NUP98: variants seen among roughly 807,000 people sequenced by gnomAD.
The protein encoded by NUP98 is nucleoporin 98 and 96 precursor.
A neutral mutation model predicts 191.9 loss-of-function variants in NUP98; 26 were observed. The ratio of observed to expected loss-of-function variants is 0.14; its 90% CI spans 0.10 to 0.19. The LOEUF is 0.19. Ranked by LOEUF, NUP98 falls within the 10% of genes least tolerant of loss-of-function variation. The probability of loss-of-function intolerance (pLI) is 1.00; values close to 1 mark genes in which losing one functional copy is unlikely to be tolerated. For missense variants in NUP98, 1,941 were observed against 2,178.8 expected, an observed-to-expected ratio of 0.89 and a Z score of 2.17; for synonymous variants, 808 against 778.4, an observed-to-expected ratio of 1.04 and a Z score of -0.63.
intron 18 of NUP98, among the ~76,000 whole-genome samples, chr11:3,718,150 T>C (rs529193434): frequency 2.6e-5 from 4 of 152,210 alleles, no homozygotes; most frequent in Non-Finnish European, 4.4e-5. Flanking sequence ...ACTGGTGTTA[T>C]TTCTTTAAAC....
At position 3,763,012 on chromosome 11, in the gene NUP98, G is replaced by C; in HGVS notation, c.976C>G (p.Gln326Glu). The change falls in exon 9 of 33, where the codon CAG becomes GAG. Residue 326 changes from glutamine to glutamate, a missense_variant. By Grantham distance (29) the Gln-to-Glu change is conservative. This residue lies in a region of NUP98 where 181 missense variants were observed against 228.0 expected (regional missense o/e 0.79). Coordinates refer to ENST00000324932, the MANE Select transcript of NUP98 (RefSeq NM_016320.5). ...GCTGTCCCAAAAAGACCTCCAGGCT[G>C]TGAGGCTTGGGTTACTCCAAATAAT... ...MGLFGVTQAS[Q>E]PGGLFGTATN... 2 of 1,614,068 alleles carry C rather than the reference G, an allele frequency of 1.2e-6. No individual in the cohort carries two copies. Among genetic ancestry groups the C allele is most frequent in the Non-Finnish European group, 1.7e-6 (2 of 1,179,978 alleles).
intron 31 of NUP98, among the ~76,000 whole-genome samples, chr11:3,678,453 G>A (rs2077885732): frequency 6.6e-6 from 1 of 152,168 alleles, no homozygotes; most frequent in Non-Finnish European, 1.5e-5. Context: ...ATATGAATAA[G>A]TAACTACAAT....
rs960347067 is a variant in NUP98, at chr11:3,783,258, C to A, written c.-28-1113G>T. On this transcript the variant is annotated intron_variant, in intron 1 of 32. Coordinates refer to ENST00000324932, the MANE Select transcript of NUP98 (RefSeq NM_016320.5). ...TCAAAGTTGGACTGGTGTGGTGACA[C>A]GGGACTGTAGTCCCAGCTACTCTGT... Among the ~76,000 whole-genome samples, 5 of 151,548 alleles carry A rather than the reference C, an allele frequency of 3.3e-5. No homozygotes were observed. In the East Asian group the frequency reaches 9.7e-4, roughly 30 times the overall value.
intron 2 of NUP98, among the ~76,000 whole-genome samples, chr11:3,780,379 A>T (rs960852159): frequency 6.7e-6 from 1 of 150,316 alleles, no homozygotes; most frequent in Non-Finnish European, 1.5e-5. Context: ...AAATAAAAAA[A>T]AAAAAAAAAA....
chr11:3,689,060 C>T (rs1454744169), intron 28 of NUP98, among the ~76,000 whole-genome samples: 1 of 151,734 alleles, frequency 6.6e-6, no homozygotes, highest in Non-Finnish European at 1.5e-5. Context: ...GTGGCAAAAT[C>T]TTGTCTACAA....
intron 1 of NUP98, among the ~76,000 whole-genome samples, chr11:3,785,872 T>G (rs910641525): frequency 2.6e-5 from 4 of 151,796 alleles, no homozygotes; most frequent in Admixed American, 6.6e-5. Flanking sequence ...AAAAAAGTAA[T>G]CCTAGAGACA....
At chr11:3,765,122 A>G (rs775278866) in intron 8 of NUP98, among the ~76,000 whole-genome samples, 4 of 152,184 alleles carry the variant, frequency 2.6e-5, no homozygotes, top group Non-Finnish European at 5.9e-5. Context: ...TATGATTTTC[A>G]AGTATTTTCT....
chr11:3,791,785 T>C (rs1192036984), intron 1 of NUP98, among the ~76,000 whole-genome samples: 1 of 145,216 alleles, frequency 6.9e-6, no homozygotes. Context: ...GAGGTTACAG[T>C]GAGCCGAGAT....
chr11:3,744,608 G>A lies in NUP98; in HGVS notation c.1309C>T (p.Pro437Ser), dbSNP rs758905480. 1 of 1,613,478 alleles carries A rather than the reference G, an allele frequency of 6.2e-7. No homozygotes were observed. The change falls in exon 12 of 33, where the codon CCT becomes TCT. Residue 437 changes from proline (P) to serine (S), a missense_variant. Physicochemically the swap from Pro to Ser is moderately conservative, Grantham distance 74. This residue lies in a region of NUP98 where 453 missense variants were observed against 438.2 expected (regional missense o/e 1.03). Coordinates refer to ENST00000324932, the MANE Select transcript of NUP98 (RefSeq NM_016320.5). ...GQASLFGNNQ[P>S]KIGGPLGTGA... Reference sequence around the variant, plus strand: ...GTACCAAGAGGCCCTCCAATCTTAGGTTGGTTGTTCCCAAACAAAGATGCC... The same window carrying A: ...GTACCAAGAGGCCCTCCAATCTTAGATTGGTTGTTCCCAAACAAAGATGCC...
At chr11:3,719,021 G>T (rs112292772) in intron 18 of NUP98, among the ~76,000 whole-genome samples, 1 of 151,918 alleles carries the variant, frequency 6.6e-6, no homozygotes, top group African/African-American at 2.4e-5. Flanking sequence ...TTGGGAGGCT[G>T]AGGCAGGAGA....
Position 3,778,946 on chromosome 11 carries a change from A to C in NUP98, c.282T>G (p.Thr94=). ...STGTANTLFG[T]ASTGTSLFSS... Reference sequence around the variant, plus strand: ...AGAAGAGACTGGTCCCTGTGCTTGCAGTTCCAAACAAGGTATTTGCTGTTC... The same window carrying C: ...AGAAGAGACTGGTCCCTGTGCTTGCCGTTCCAAACAAGGTATTTGCTGTTC... The change falls in exon 4 of 33, where the codon ACT becomes ACG. Residue 94 remains threonine (T), a synonymous_variant. Coordinates refer to ENST00000324932, the MANE Select transcript of NUP98 (RefSeq NM_016320.5). The C allele has an allele frequency of 3.1e-6, 5 of 1,614,218 alleles. No homozygotes were observed. The highest frequency in any genetic ancestry group is 1.6e-4 in the Middle Eastern group (1 of 6,062).
chr11:3,713,365 G>A (rs1372190312), intron 19 of NUP98, among the ~76,000 whole-genome samples: 3 of 152,148 alleles, frequency 2.0e-5, no homozygotes, highest in Non-Finnish European at 4.4e-5. Context: ...TTTTAACTAG[G>A]TTTGTAGTTT....
chr11:3,728,936 A>G (rs1364001605), intron 14 of NUP98, among the ~76,000 whole-genome samples: 1 of 152,204 alleles, frequency 6.6e-6, no homozygotes, highest in Non-Finnish European at 1.5e-5. Context: ...GACAAAGTCA[A>G]GGAAGATTCC....
chr11:3,771,825 C>A lies in NUP98; in HGVS notation c.707G>T (p.Ser236Ile), dbSNP rs1366815295. Residue 236 changes from serine (S) to isoleucine (I), a missense_variant, in exon 7 of 33, where the codon AGC becomes ATC. Ser to Ile is a moderately radical substitution (Grantham distance 142, BLOSUM62 -2). This residue lies in a region of NUP98 where 181 missense variants were observed against 228.0 expected (regional missense o/e 0.79). Transcript: ENST00000324932. ...GLFGSSPATS[S>I]ATGLFSSSTT... ...GGAGGAGCTGAAGAGTCCTGTTGCGCTGGAAGTGGCTGGAGAAGACCCAAA... is the reference window on the plus strand; with the variant it reads ...GGAGGAGCTGAAGAGTCCTGTTGCGATGGAAGTGGCTGGAGAAGACCCAAA... 6.2e-7 allele frequency: 1 copy of A among 1,614,156 alleles called. No individual in the cohort carries two copies.
intron 5 of NUP98, among the ~76,000 whole-genome samples, chr11:3,774,633 G>T (rs935699503): frequency 6.6e-6 from 1 of 151,844 alleles, no homozygotes; most frequent in Non-Finnish European, 1.5e-5. Context: ...CAGCAGAATC[G>T]CTTGAACCAG....
chr11:3,741,724 G>A (rs1277347815), intron 12 of NUP98, among the ~76,000 whole-genome samples: 1 of 152,150 alleles, frequency 6.6e-6, no homozygotes, highest in Non-Finnish European at 1.5e-5. Context: ...AAGGATCTAA[G>A]CAAAATGTAG....
intron 20 of NUP98, among the ~76,000 whole-genome samples, chr11:3,707,751 A>AAAAAAAAAAAAAAAAAAAC (rs2078904168): frequency 6.7e-6 from 1 of 149,614 alleles, no homozygotes; most frequent in African/African-American, 2.5e-5. Context: ...AAAAAAAAAA[A>AAAAAAAAAAAAAAAAAAAC]AAATCCTGAA....
chr11:3,789,432 T>C (rs1418703501), intron 1 of NUP98, among the ~76,000 whole-genome samples: 1 of 150,874 alleles, frequency 6.6e-6, no homozygotes, highest in Non-Finnish European at 1.5e-5. Flanking sequence ...ACCTCTTCCA[T>C]CTATCTCACA....
rs951633222 is a variant in NUP98, at chr11:3,790,296, A to G, written c.-29+7104T>C. Among the ~76,000 whole-genome samples, 7 of 152,168 alleles carry G rather than the reference A, an allele frequency of 4.6e-5. No homozygotes were observed. The East Asian group carries it at 1.3e-3, about 29-fold the overall frequency. ...TTTTTAGCCATGAAACCCGACATAT[A>G]AAACAGACATAAGCAGAAGCTGCTC... is the stretch of plus-strand genomic sequence containing the variant. On this transcript the variant is annotated intron_variant, in intron 1 of 32. Coordinates refer to ENST00000324932, the MANE Select transcript of NUP98 (RefSeq NM_016320.5).
Sources: allele counts gnomAD v4.1 joint callset (sites outside exome capture counted in the v4.1 genomes callset), GRCh38; gene constraint gnomAD v4.1.1; regional missense constraint gnomAD v4.1.1; transcripts MANE v1.5; gene names NCBI Gene and HGNC (gene_info 2026-07-23, HGNC 2026-07-21).